FBLN1: variants seen among roughly 807,000 people sequenced by gnomAD.
The protein encoded by FBLN1 is fibulin-1.
Under a neutral mutation model 89.7 loss-of-function variants are expected in FBLN1, and 34 were observed. The ratio of observed to expected loss-of-function variants is 0.38; its 90% confidence interval spans 0.29 to 0.50. FBLN1 has a LOEUF of 0.50. Among genes scored for constraint, FBLN1 ranks in the 20% least tolerant of loss-of-function variants. The pLI is 0.92. For missense variants in FBLN1, 777 were observed against 988.1 expected (o/e 0.79, Z 2.86); for synonymous variants, 393 against 391.3 (o/e 1.00, Z -0.05).
intron 16 of FBLN1, among the ~76,000 whole-genome samples, chr22:45,596,843 T>C (rs560514863): frequency 1.4e-5 from 2 of 140,156 alleles, no homozygotes; most frequent in African/African-American, 5.8e-5. Context: ...TATAAATTTA[T>C]ATGTAAATTT....
At chr22:45,525,518 G>T (rs2146959710) in intron 2 of FBLN1, 25 bp from the exon 3 acceptor site, 1 of 1,548,540 alleles carries the variant, frequency 6.5e-7, no homozygotes. Context: ...ACAGAGCCTT[G>T]GCCCAGCCCA....
At chr22:45,568,490 TCTTCTGTAGGGGAGTGCTC>T (rs1459165896) in intron 14 of FBLN1, among the ~76,000 whole-genome samples, 35 of 84,672 alleles carry the variant, frequency 4.1e-4, no homozygotes, top group South Asian at 1.2e-3. Context: ...GGGGAATGCC[TCTTCTGTAGGGGAGTGCTC>T]CTTCTGTAGG....
At chr22:45,529,080 C>T (rs557217014) in intron 4 of FBLN1, among the ~76,000 whole-genome samples, 4 of 152,290 alleles carry the variant, frequency 2.6e-5, no homozygotes, top group East Asian at 1.9e-4. Context: ...TTCAGCTGCC[C>T]GGGGCAGCAT....
At chr22:45,507,541 T>G (rs1240434364) in intron 1 of FBLN1, among the ~76,000 whole-genome samples, 1 of 152,098 alleles carries the variant, frequency 6.6e-6, no homozygotes, top group Non-Finnish European at 1.5e-5. Context: ...TTTATTATTA[T>G]TTTTGAGACG....
intron 11 of FBLN1, among the ~76,000 whole-genome samples, chr22:45,544,067 T>C (rs2146984410): frequency 6.6e-6 from 1 of 150,484 alleles, no homozygotes; most frequent in Non-Finnish European, 1.5e-5. Context: ...AGGGCGTGGG[T>C]CACTGTGCAC....
Position 45,580,613 on chromosome 22 carries a change from TG to T in FBLN1, c.1972+3509del, listed in dbSNP as rs1389650236. Among the ~76,000 whole-genome samples the T allele has an allele frequency of 6.6e-6, 1 of 152,204 alleles. No individual in the cohort carries two copies. Among genetic ancestry groups the T allele is most frequent in the Non-Finnish European group, 1.5e-5 (1 of 68,030 alleles). On this transcript the variant is annotated intron_variant, in intron 16 of 16. Transcript: ENST00000327858. The surrounding 1 kb of genome is among the most constrained non-coding windows in gnomAD (Gnocchi z 8.6). ...AGATTTGCCCGAGGCCACTCAGAGC[TG>T]GGGCCAGAGCGGGCCTGGAGCCCGG...
chr22:45,587,632 C>T (rs1175552648), intron 16 of FBLN1, among the ~76,000 whole-genome samples: 2 of 152,020 alleles, frequency 1.3e-5, no homozygotes, highest in Non-Finnish European at 2.9e-5. Context: ...AGAGAAGCAC[C>T]CAGATCTACC....
chr22:45,583,830 T>C lies in FBLN1; in HGVS notation c.1972+6722T>C, dbSNP rs2089062361. On this transcript the variant is annotated intron_variant, in intron 16 of 16. Transcript: ENST00000327858. This position sits in a 1 kb window ranked among gnomAD's most constrained non-coding sequence, Gnocchi z 4.5. ...AGAGAGAGAGACAGAGAGAGACCTG[T>C]GGGACCAAAGCCTTTACTGGGGTCC... 6.6e-6 allele frequency among the ~76,000 whole-genome samples: 1 copy of C among 152,092 alleles called. No homozygotes were observed. Among genetic ancestry groups the C allele is most frequent in the Non-Finnish European group, 1.5e-5 (1 of 67,996 alleles).
chr22:45,533,276 G>A, intron 6 of FBLN1, 112 bp downstream of exon 6: 1 of 991,986 alleles, frequency 1.0e-6, no homozygotes, highest in Non-Finnish European at 1.6e-6. Flanking sequence ...CCATTCAGGG[G>A]TGGAGAGCAG....
At chr22:45,573,764 G>C (rs1227487425) in intron 14 of FBLN1, among the ~76,000 whole-genome samples, 2 of 151,986 alleles carry the variant, frequency 1.3e-5, no homozygotes, top group Non-Finnish European at 2.9e-5. Flanking sequence ...AGGAGGGGTT[G>C]AGTTCTGTCT....
chr22:45,542,477 A>C (rs1317859101), intron 10 of FBLN1, among the ~76,000 whole-genome samples, 194 bp downstream of exon 10: 2 of 152,190 alleles, frequency 1.3e-5, no homozygotes, highest in Non-Finnish European at 2.9e-5. Flanking sequence ...CCAGGCGGCC[A>C]CTGGCACCAC....
intron 1 of FBLN1, among the ~76,000 whole-genome samples, chr22:45,517,945 A>G (rs368279975): frequency 2.6e-4 from 39 of 152,230 alleles, no homozygotes; most frequent in African/African-American, 9.1e-4. Flanking sequence ...AGCCTAGCCA[A>G]CATGGTGAAA....
Position 45,588,947 on chromosome 22 carries a change from C to T in FBLN1, c.1973-11360C>T, listed in dbSNP as rs1366546848. 6.6e-6 allele frequency among the ~76,000 whole-genome samples: 1 copy of T among 151,750 alleles called. No individual in the cohort carries two copies. Among genetic ancestry groups the T allele is most frequent in the African/African-American group, 2.4e-5 (1 of 41,314 alleles). ...CGGGAGGATGTCAGGTGCTTCCAGG[C>T]GGACTCTGCTAGGAACATTCCATCT... On this transcript the variant is annotated intron_variant, in intron 16 of 16. Coordinates refer to ENST00000327858, the MANE Select transcript of FBLN1 (RefSeq NM_006486.3). The surrounding 1 kb of genome is among the most constrained non-coding windows in gnomAD (Gnocchi z 5.1).
chr22:45,505,355 C>T (rs1017802698), intron 1 of FBLN1, among the ~76,000 whole-genome samples: 3 of 152,146 alleles, frequency 2.0e-5, no homozygotes, highest in African/African-American at 4.8e-5. Flanking sequence ...TGGTCTGTGC[C>T]GCCACTCCTG....
Position 45,541,368 on chromosome 22 carries a change from TGTTG to T in FBLN1, c.1066+3_1066+6del, listed in dbSNP as rs769934587. On this transcript the variant is annotated frameshift_variant and splice_region_variant, in exon 9 of 17. Coordinates refer to ENST00000327858, the MANE Select transcript of FBLN1 (RefSeq NM_006486.3). LOFTEE classifies it high-confidence loss of function. ...ATCTCAACGAGGAGGGAACGCGCTG[TGTTG>T]GTTGGTATTAAGAAAACAAATCTGA... The T allele has an allele frequency of 6.2e-7, 1 of 1,614,242 alleles. No individual in the cohort carries two copies. Among genetic ancestry groups the T allele is most frequent in the Admixed American group, 1.7e-5 (1 of 60,034 alleles).
At chr22:45,595,827 T>C (rs935401612) in intron 16 of FBLN1, among the ~76,000 whole-genome samples, 3 of 152,306 alleles carry the variant, frequency 2.0e-5, no homozygotes, top group African/African-American at 7.2e-5. Flanking sequence ...TCGAGTTTGA[T>C]TTGTTTCTGA....
chr22:45,519,624 CAAAAA>C (rs136720), intron 2 of FBLN1, among the ~76,000 whole-genome samples: 1 of 117,346 alleles, frequency 8.5e-6, no homozygotes, highest in African/African-American at 3.3e-5. Context: ...AACTCTAACT[CAAAAA>C]AAAAAAAAAA....
chr22:45,525,192 AG>A (rs1418051492), intron 2 of FBLN1, among the ~76,000 whole-genome samples: 2 of 143,198 alleles, frequency 1.4e-5, no homozygotes, highest in African/African-American at 5.0e-5. Flanking sequence ...AGAGAGAGAG[AG>A]AGAAAGAGAG....
chr22:45,532,746 C>T lies in FBLN1; in HGVS notation c.545-317C>T. 2 of 453,388 alleles carry T rather than the reference C, an allele frequency of 4.4e-6. No individual in the cohort carries two copies. Among genetic ancestry groups the T allele is most frequent in the Non-Finnish European group, 8.2e-6 (2 of 244,134 alleles). The allele number at this position is 453,388 out of a possible 1,614,324, so 28.1% of individuals were successfully genotyped here. A position where few individuals can be genotyped will look rare whatever the true frequency, so the allele number is the denominator to read the frequency against. Reference sequence around the variant, plus strand: ...GGCCTTCCACGTGGAGCCCACACCCCCATGTCTGTGACCGGCAGTGAGCTC... The same window carrying T: ...GGCCTTCCACGTGGAGCCCACACCCTCATGTCTGTGACCGGCAGTGAGCTC... On this transcript the variant is annotated intron_variant, in intron 5 of 16. Transcript: ENST00000327858. The surrounding 1 kb of genome is among the most constrained non-coding windows in gnomAD (Gnocchi z 4.2).
Sources: allele counts gnomAD v4.1 joint callset (sites outside exome capture counted in the v4.1 genomes callset), GRCh38; gene constraint gnomAD v4.1.1; non-coding constraint Gnocchi (gnomAD v3.1); transcripts MANE v1.5; gene names NCBI Gene and HGNC (gene_info 2026-07-23, HGNC 2026-07-21).